Variants in NR3C2 observed in about 807,000 individuals in gnomAD.
NR3C2 encodes mineralocorticoid receptor.
A neutral mutation model predicts 86.4 loss-of-function variants in NR3C2; 15 were observed. The observed-to-expected ratio is 0.17, with a 90% CI of 0.12 to 0.27. The LOEUF (loss-of-function observed/expected upper bound fraction) is 0.27, where lower values mean the gene tolerates loss of function less well. Ranked by LOEUF, NR3C2 falls within the 10% of genes least tolerant of loss-of-function variation. The pLI is 1.00. For missense variants in NR3C2, 960 were observed against 1,195.6 expected (o/e 0.80, Z 2.91); for synonymous variants, 458 against 450.5 (o/e 1.02, Z -0.21).
At chr4:148,374,241 A>G (rs2126403171) in intron 2 of NR3C2, among the ~76,000 whole-genome samples, 1 of 152,364 alleles carries the variant, frequency 6.6e-6, no homozygotes, top group East Asian at 1.9e-4. Context: ...CTACACCTAC[A>G]TTCTTTGAAT....
intron 2 of NR3C2, among the ~76,000 whole-genome samples, chr4:148,306,336 T>C (rs908750296): frequency 3.3e-5 from 5 of 152,318 alleles, no homozygotes; most frequent in Admixed American, 3.3e-4. Flanking sequence ...AGAGACACTG[T>C]TGTGTTCATT....
chr4:148,393,535 G>C (rs1305740480), intron 2 of NR3C2, among the ~76,000 whole-genome samples: 1 of 152,158 alleles, frequency 6.6e-6, no homozygotes, highest in African/African-American at 2.4e-5. Context: ...AATGGGCAGT[G>C]GTGGGGACGG....
At chr4:148,387,144 G>T (rs72729982) in intron 2 of NR3C2, among the ~76,000 whole-genome samples, 28,156 of 152,088 alleles carry the variant, frequency 0.19, 2,882 homozygotes, top group Non-Finnish European at 0.23. Context: ...AAGCGGATTT[G>T]ACTTTTCTTT....
intron 2 of NR3C2, among the ~76,000 whole-genome samples, chr4:148,413,606 C>T (rs1287347423): frequency 6.6e-6 from 1 of 151,994 alleles, no homozygotes; most frequent in Admixed American, 6.6e-5. Flanking sequence ...GTTTAATGCG[C>T]AGATTAATAC....
In NR3C2 at chr4:148,157,955, A is replaced by T. The variant is rs180685623; in HGVS notation, c.2015-3054T>A. 2.7e-3 allele frequency among the ~76,000 whole-genome samples: 417 copies of T among 152,364 alleles called. 1 individual carries two copies. Among genetic ancestry groups the T allele is most frequent in the African/African-American group, 9.5e-3 (397 of 41,594 alleles). On this transcript the variant is annotated intron_variant, in intron 4 of 8. Coordinates refer to ENST00000358102, the MANE Select transcript of NR3C2 (RefSeq NM_000901.5). ...TATATTAAATATTGGAACCAGGCTT[A>T]AAAGATGAATAAGACATAACTACTG... is the stretch of plus-strand genomic sequence containing the variant.
chr4:148,169,132 G>A (rs1008396120), intron 4 of NR3C2, among the ~76,000 whole-genome samples: 2 of 152,164 alleles, frequency 1.3e-5, no homozygotes, highest in Admixed American at 1.3e-4. Flanking sequence ...GCAGCATCTG[G>A]ATGAATAGAT....
chr4:148,214,904 T>C (rs886136463), intron 3 of NR3C2, among the ~76,000 whole-genome samples: 4 of 152,240 alleles, frequency 2.6e-5, no homozygotes, highest in Admixed American at 6.5e-5. Flanking sequence ...CTTGGCTGGC[T>C]TGATTTCAAT....
In NR3C2 at chr4:148,435,767, T is replaced by C. The variant is rs760558153; in HGVS notation, c.1094A>G (p.Gln365Arg). The part of the protein sequence containing the change: ...LRDVVPSPDT[Q>R]EKGAQEVPFP... ...AGGGACCTCTTGAGCACCTTTCTCC[T>C]GCGTGTCTGGACTGGGAACCACATC... The change falls in exon 2 of 9, where the codon CAG becomes CGG. Residue 365 changes from glutamine (Q) to arginine (R), a missense_variant. Gln to Arg is a conservative substitution (Grantham distance 43). This residue lies in a region of NR3C2 where 680 missense variants were observed against 719.0 expected (regional missense o/e 0.95). Transcript: ENST00000358102. The C allele has an allele frequency of 1.2e-6, 2 of 1,614,178 alleles. No individual in the cohort carries two copies. Among genetic ancestry groups the C allele is most frequent in the East Asian group, 2.2e-5 (1 of 44,878 alleles).
intron 2 of NR3C2, among the ~76,000 whole-genome samples, chr4:148,272,350 A>C (rs894032671): frequency 3.9e-5 from 6 of 152,234 alleles, no homozygotes; most frequent in Non-Finnish European, 5.9e-5. Context: ...CAGTTAACTC[A>C]ATGTAACATC....
intron 1 of NR3C2, among the ~76,000 whole-genome samples, chr4:148,441,163 C>G (rs1434410278): frequency 6.6e-6 from 1 of 152,130 alleles, no homozygotes; most frequent in Non-Finnish European, 1.5e-5. Flanking sequence ...CCTAATTTAC[C>G]GAGCCACCTG....
At chr4:148,193,766 TG>T (rs1267638588) in intron 4 of NR3C2, among the ~76,000 whole-genome samples, 1 of 152,230 alleles carries the variant, frequency 6.6e-6, no homozygotes, top group African/African-American at 2.4e-5. Context: ...GAAAAATTCA[TG>T]TTTTCTTTTA....
chr4:148,250,499 T>A (rs2149859558), intron 3 of NR3C2, among the ~76,000 whole-genome samples: 1 of 152,206 alleles, frequency 6.6e-6, no homozygotes, highest in South Asian at 2.1e-4. Context: ...CCCAACACCT[T>A]CCCCAGGCTT....
upstream of NR3C2, chr4:148,442,890 C>T (rs1314617876): frequency 1.0e-6 from 1 of 985,408 alleles, no homozygotes; most frequent in Non-Finnish European, 1.2e-6. Context: ...GAAAAGTGTG[C>T]TGACGCGGAA....
chr4:148,087,914 C>T lies in NR3C2; in HGVS notation c.2800-6415G>A, dbSNP rs185444866. The stretch of plus-strand genomic sequence containing the variant: ...GCTTCTGCACAGCAAAAGAAACTAT[C>T]ATCAGAGTGAACAGGCAACCTACAG... On this transcript the variant is annotated intron_variant, in intron 8 of 8. Transcript: ENST00000358102. Among the ~76,000 whole-genome samples the T allele has an allele frequency of 4.8e-4, 73 of 152,298 alleles. 1 individual carries two copies. Among genetic ancestry groups the T allele is most frequent in the African/African-American group, 1.3e-3 (56 of 41,568 alleles).
chr4:148,412,511 T>C lies in NR3C2; in HGVS notation c.1757+22593A>G, dbSNP rs1337082038. ...CCTTTCAATAATAAAATGCAGGCAC[T>C]GTCTATTGGTAATTTAATTGGAAGA... On this transcript the variant is annotated intron_variant, in intron 2 of 8. Coordinates refer to ENST00000358102, the MANE Select transcript of NR3C2 (RefSeq NM_000901.5). Among the ~76,000 whole-genome samples the C allele has an allele frequency of 2.6e-5, 4 of 152,262 alleles. No homozygotes were observed. In the South Asian group the frequency reaches 8.3e-4, roughly 32 times the overall value.
chr4:148,150,166 T>C (rs1177509413), intron 6 of NR3C2, among the ~76,000 whole-genome samples: 2 of 152,204 alleles, frequency 1.3e-5, no homozygotes, highest in Non-Finnish European at 2.9e-5. Context: ...GATGATTGGA[T>C]AAAATATTTG....
At chr4:148,378,722 A>C (rs1429576038) in intron 2 of NR3C2, among the ~76,000 whole-genome samples, 1 of 152,222 alleles carries the variant, frequency 6.6e-6, no homozygotes, top group Admixed American at 6.5e-5. Context: ...AAATGCTGTC[A>C]TGCTTCCTAT....
intron 3 of NR3C2, among the ~76,000 whole-genome samples, chr4:148,196,205 T>A (rs1736435521): frequency 6.6e-6 from 1 of 152,138 alleles, no homozygotes; most frequent in Non-Finnish European, 1.5e-5. Flanking sequence ...TAAGAAGGCC[T>A]TAAGATTCTT....
intron 3 of NR3C2, among the ~76,000 whole-genome samples, chr4:148,238,768 T>C (rs1366979264): frequency 6.6e-6 from 1 of 152,156 alleles, no homozygotes; most frequent in Non-Finnish European, 1.5e-5. Context: ...ATAGAGTCCC[T>C]CTCTGCTTTC....
Sources: gnomAD v4.1 joint callset for allele counts (sites outside exome capture counted in the v4.1 genomes callset) on GRCh38, gnomAD v4.1.1 for gene constraint, gnomAD v4.1.1 regional missense constraint, MANE v1.5 for transcripts, NCBI Gene and HGNC (gene_info 2026-07-23, HGNC 2026-07-21) for gene names.